Variants in TMEM132B observed in about 807,000 individuals in gnomAD.
TMEM132B encodes transmembrane protein 132B.
In TMEM132B, 18 loss-of-function variants were observed where a neutral mutation model predicts 90.8. That is an observed-to-expected ratio of 0.20 (90% confidence interval 0.14 to 0.29). The LOEUF is 0.29. TMEM132B is among the 10% of genes least tolerant of loss of function. The pLI, the probability that TMEM132B is intolerant of heterozygous loss-of-function variation, is 1.00. For synonymous variants in TMEM132B, 504 were observed against 523.3 expected (o/e 0.96, Z 0.50); for missense variants, 1,096 against 1,326.8 (o/e 0.83, Z 2.70).
chr12:125,276,826 G>A (rs1336366308), intron 1 of TMEM132B, among the ~76,000 whole-genome samples: 1 of 152,192 alleles, frequency 6.6e-6, no homozygotes. Flanking sequence ...CACGTGTAAT[G>A]TTTAAGTCTG....
chr12:125,248,394 T>C (rs1874249897), intron 1 of TMEM132B, among the ~76,000 whole-genome samples: 1 of 152,168 alleles, frequency 6.6e-6, no homozygotes, highest in African/African-American at 2.4e-5. Context: ...GAAAATGAAA[T>C]CTCCATATGG....
At chr12:125,298,503 G>T (rs750841355) in intron 1 of TMEM132B, among the ~76,000 whole-genome samples, 22 of 151,142 alleles carry the variant, frequency 1.5e-4, no homozygotes, top group Non-Finnish European at 3.1e-4. Flanking sequence ...GTGAAACCCC[G>T]TCTCAAACAA....
chr12:125,417,301 G>C (rs147784146), intron 3 of TMEM132B, among the ~76,000 whole-genome samples: 1 of 152,298 alleles, frequency 6.6e-6, no homozygotes, highest in Non-Finnish European at 1.5e-5. Flanking sequence ...CTTCCCTTTA[G>C]ATCTTATCAA....
At chr12:125,471,391 C>T (rs1156510286) in intron 3 of TMEM132B, among the ~76,000 whole-genome samples, 2 of 152,200 alleles carry the variant, frequency 1.3e-5, no homozygotes, top group Non-Finnish European at 2.9e-5. Flanking sequence ...TTAAATCTTC[C>T]AGCCACACCA....
At chr12:125,405,614 A>C (rs1879449075) in intron 2 of TMEM132B, among the ~76,000 whole-genome samples, 2 of 152,158 alleles carry the variant, frequency 1.3e-5, no homozygotes, top group African/African-American at 2.4e-5. Flanking sequence ...CCAGTCAGGT[A>C]TAGTGGCCAG....
At chr12:125,309,171 A>G (rs1398688473) in intron 1 of TMEM132B, among the ~76,000 whole-genome samples, 2 of 152,222 alleles carry the variant, frequency 1.3e-5, no homozygotes, top group African/African-American at 2.4e-5. Flanking sequence ...GTCAGGAGAC[A>G]TTCAGATTCT....
chr12:125,502,784 A>T (rs1266219997), intron 3 of TMEM132B, among the ~76,000 whole-genome samples: 2 of 152,250 alleles, frequency 1.3e-5, no homozygotes, highest in Non-Finnish European at 2.9e-5. Flanking sequence ...ATGCTCAAAA[A>T]TATTTCATTG....
chr12:125,654,557 C>A lies in TMEM132B; in HGVS notation c.3099C>A (p.Ser1033=). ...GPKRKRVKFT[S]YTTILPEDGG... is the part of the protein sequence containing the mutation. ...AGAGGAAGAGAGTCAAGTTCACTTC[C>A]TACACCACCATCCTCCCAGAGGACG... The change falls in exon 9 of 9, where the codon TCC becomes TCA. Residue 1033 remains serine (S), a synonymous_variant. Transcript: ENST00000682704. The surrounding 1 kb of genome is among the most constrained non-coding windows in gnomAD (Gnocchi z 5.8). The A allele has an allele frequency of 6.2e-7, 1 of 1,614,120 alleles. No individual in the cohort carries two copies. Among genetic ancestry groups the A allele is most frequent in the Middle Eastern group, 1.7e-4 (1 of 6,054 alleles).
intron 3 of TMEM132B, among the ~76,000 whole-genome samples, chr12:125,489,780 A>G (rs1882300817): frequency 6.6e-6 from 1 of 152,210 alleles, no homozygotes; most frequent in Admixed American, 6.5e-5. Flanking sequence ...CTCCTGTAAT[A>G]TCACATTAAA....
chr12:125,548,729 T>C (rs1884149321), intron 4 of TMEM132B, among the ~76,000 whole-genome samples: 1 of 151,906 alleles, frequency 6.6e-6, no homozygotes, highest in African/African-American at 2.4e-5. Flanking sequence ...CACGGGAGGG[T>C]TTGAGCAGAG....
At chr12:125,437,456 G>A (rs1405850729) in intron 3 of TMEM132B, among the ~76,000 whole-genome samples, 2 of 152,150 alleles carry the variant, frequency 1.3e-5, no homozygotes, top group Non-Finnish European at 2.9e-5. Flanking sequence ...GCCTAGCAGT[G>A]GAATTGCTGG....
intron 1 of TMEM132B, among the ~76,000 whole-genome samples, chr12:125,257,431 A>G (rs1874464439): frequency 6.6e-6 from 1 of 152,140 alleles, no homozygotes; most frequent in African/African-American, 2.4e-5. Flanking sequence ...TGCTCCTCCA[A>G]ACAGATTCTG....
chr12:125,436,313 A>G (rs1880698443), intron 3 of TMEM132B, among the ~76,000 whole-genome samples: 1 of 152,194 alleles, frequency 6.6e-6, no homozygotes, highest in Admixed American at 6.5e-5. Context: ...CCAGGTGCTC[A>G]GTCCATCTCA....
At chr12:125,390,203 ATTATT>A (rs1475426945) in intron 2 of TMEM132B, among the ~76,000 whole-genome samples, 1 of 152,258 alleles carries the variant, frequency 6.6e-6, no homozygotes, top group Non-Finnish European at 1.5e-5. Flanking sequence ...TTATAGTGGC[ATTATT>A]TATAAAGGCC....
intron 4 of TMEM132B, among the ~76,000 whole-genome samples, chr12:125,554,427 TAAAA>T (rs71447048): frequency 0.03 from 2,056 of 69,406 alleles, 62 homozygotes; most frequent in African/African-American, 0.093. Flanking sequence ...TCCATTTCAT[TAAAA>T]AAAAAAAAAA....
intron 1 of TMEM132B, among the ~76,000 whole-genome samples, chr12:125,243,917 C>T (rs994258149): frequency 9.8e-5 from 15 of 152,298 alleles, no homozygotes; most frequent in Admixed American, 3.3e-4. Context: ...TCACCGCCAA[C>T]GCCCCCTCTC....
intron 3 of TMEM132B, among the ~76,000 whole-genome samples, chr12:125,514,441 A>T (rs778527548): frequency 2.6e-5 from 4 of 152,100 alleles, no homozygotes; most frequent in African/African-American, 9.7e-5. Flanking sequence ...CTATCTTGGG[A>T]CATTTGTTCA....
chr12:125,616,762 G>A (rs1177537651), intron 5 of TMEM132B, among the ~76,000 whole-genome samples: 1 of 152,166 alleles, frequency 6.6e-6, no homozygotes, highest in African/African-American at 2.4e-5. Context: ...CAGCCCTAAC[G>A]ACCAACATGA....
Position 125,420,901 on chromosome 12 carries a change from A to G in TMEM132B, c.1106+5224A>G, listed in dbSNP as rs151207580. Among the ~76,000 whole-genome samples the G allele has an allele frequency of 1.6e-4, 24 of 152,260 alleles. No individual in the cohort carries two copies. In the East Asian group the frequency reaches 4.4e-3, roughly 28 times the overall value. ...TTTCTTCTGCCAGATACCCTAAATA[A>G]TCTCTCTCAGATTCAAAGTTCCACA... On this transcript the variant is annotated intron_variant, in intron 3 of 8. Transcript: ENST00000682704.
Sources: allele counts gnomAD v4.1 joint callset (sites outside exome capture counted in the v4.1 genomes callset), GRCh38; gene constraint gnomAD v4.1.1; non-coding constraint Gnocchi (gnomAD v3.1); transcripts MANE v1.5; gene names NCBI Gene and HGNC (gene_info 2026-07-23, HGNC 2026-07-21).